NTN1: variants seen among roughly 807,000 people sequenced by gnomAD.
The protein encoded by NTN1 is netrin 1.
Under a neutral mutation model 54.2 loss-of-function variants are expected in NTN1, and 11 were observed. The ratio of observed to expected loss-of-function variants is 0.20; its 90% CI spans 0.13 to 0.34. The LOEUF (loss-of-function observed/expected upper bound fraction) is 0.34, where lower values mean the gene tolerates loss of function less well. Ranked by LOEUF, NTN1 falls within the 10% of genes least tolerant of loss-of-function variation. NTN1 has a pLI of 1.00. For synonymous variants in NTN1, 371 were observed against 382.0 expected (o/e 0.97, Z 0.33); for missense variants, 740 against 893.1 (o/e 0.83, Z 2.18).
At chr17:9,117,179 G>C (rs1168343059) in intron 2 of NTN1, among the ~76,000 whole-genome samples, 1 of 152,230 alleles carries the variant, frequency 6.6e-6, no homozygotes, top group Non-Finnish European at 1.5e-5. Flanking sequence ...CGTGAATAGA[G>C]AGAAAGCCGA....
At position 9,179,270 on chromosome 17, in the gene NTN1, G is replaced by A. The variant is rs115165916; in HGVS notation, c.1208-537G>A. On this transcript the variant is annotated intron_variant, in intron 3 of 6. Coordinates refer to ENST00000173229, the MANE Select transcript of NTN1 (RefSeq NM_004822.3). ...GCAAAGTAGGGTCAGGTGTTGGGGGGCAGCAGCTGGGGGAGCCACCCCTCC... is the reference window on the plus strand; with the variant it reads ...GCAAAGTAGGGTCAGGTGTTGGGGGACAGCAGCTGGGGGAGCCACCCCTCC... Among the ~76,000 whole-genome samples, 472 of 152,280 alleles carry A rather than the reference G, an allele frequency of 3.1e-3. 2 individuals carry two copies. The highest frequency in any genetic ancestry group is 0.01 in the African/African-American group (427 of 41,558).
intron 2 of NTN1, among the ~76,000 whole-genome samples, chr17:9,123,754 T>G (rs2092237741): frequency 1.3e-5 from 2 of 152,144 alleles, no homozygotes; most frequent in African/African-American, 4.8e-5. Flanking sequence ...TTGGGGGTTC[T>G]CATTGTGGAC....
At chr17:9,035,188 C>T (rs1238570945) in intron 2 of NTN1, among the ~76,000 whole-genome samples, 3 of 152,114 alleles carry the variant, frequency 2.0e-5, no homozygotes, top group East Asian at 1.9e-4. Flanking sequence ...CCTTGTGATC[C>T]GCCCGCCTCA....
chr17:9,004,146 G>T, the NTN1 span, among the ~76,000 whole-genome samples: 3 of 152,244 alleles, frequency 2.0e-5, no homozygotes, highest in Admixed American at 2.0e-4. Context: ...GGCGCGGACG[G>T]CGGAGCTGGG....
intron 2 of NTN1, among the ~76,000 whole-genome samples, chr17:9,115,494 C>A (rs2092208297): frequency 6.6e-6 from 1 of 152,240 alleles, no homozygotes. Context: ...ATCCACGTGA[C>A]GTTCCTGGAG....
At chr17:9,048,654 CTT>C (rs527587701) in intron 2 of NTN1, among the ~76,000 whole-genome samples, 1,517 of 147,136 alleles carry the variant, frequency 0.01, 27 homozygotes, top group African/African-American at 0.033. Context: ...AGTGTAGCCA[CTT>C]TTTTTTTTTC....
At position 9,135,295 on chromosome 17, in the gene NTN1, C is replaced by T. The variant is rs1028132063; in HGVS notation, c.1019-27518C>T. Among the ~76,000 whole-genome samples, 10 of 152,148 alleles carry T rather than the reference C, an allele frequency of 6.6e-5. No homozygotes were observed. Among genetic ancestry groups the T allele is most frequent in the Non-Finnish European group, 1.3e-4 (9 of 68,038 alleles). Reference sequence around the variant, plus strand: ...CTGCCACCTGGGTCTGAATGTGTCCCCCAGACCCAACACCTCTTTGCACAG... The same window carrying T: ...CTGCCACCTGGGTCTGAATGTGTCCTCCAGACCCAACACCTCTTTGCACAG... On this transcript the variant is annotated intron_variant, in intron 2 of 6. Transcript: ENST00000173229. This position sits in a 1 kb window ranked among gnomAD's most constrained non-coding sequence, Gnocchi z 4.4.
intron 6 of NTN1, among the ~76,000 whole-genome samples, chr17:9,232,431 C>T (rs1313039068): frequency 6.6e-6 from 1 of 152,160 alleles, no homozygotes; most frequent in African/African-American, 2.4e-5. Context: ...CTGGTCTCCT[C>T]CCCAAGGGTC....
chr17:9,063,979 A>T (rs181214189), intron 2 of NTN1, among the ~76,000 whole-genome samples: 178 of 152,206 alleles, frequency 1.2e-3, no homozygotes, highest in African/African-American at 4.1e-3. Flanking sequence ...TATTTTTTCA[A>T]TTACTAAGTA....
At chr17:9,167,659 A>G (rs966728349) in intron 3 of NTN1, among the ~76,000 whole-genome samples, 7 of 152,198 alleles carry the variant, frequency 4.6e-5, no homozygotes, top group Admixed American at 6.5e-5. Flanking sequence ...AAAGCATGCA[A>G]TCGTCCTCAC....
chr17:9,151,606 A>C (rs1237798477), intron 2 of NTN1, among the ~76,000 whole-genome samples: 1 of 152,198 alleles, frequency 6.6e-6, no homozygotes, highest in South Asian at 2.1e-4. Flanking sequence ...TCTGTTTTCA[A>C]ATTGGACCCT....
At chr17:9,099,252 AAAG>A (rs1567710238) in intron 2 of NTN1, among the ~76,000 whole-genome samples, 1 of 152,204 alleles carries the variant, frequency 6.6e-6, no homozygotes, top group Admixed American at 6.5e-5. Flanking sequence ...AAATACAAAA[AAAG>A]TTAGCTGGGT....
At chr17:9,229,225 G>A (rs1200391417) in intron 6 of NTN1, among the ~76,000 whole-genome samples, 1 of 152,084 alleles carries the variant, frequency 6.6e-6, no homozygotes, top group Non-Finnish European at 1.5e-5. Context: ...CTGGGGACCT[G>A]AGCAGAATTC....
chr17:9,181,622 A>G (rs1008867913), intron 4 of NTN1, among the ~76,000 whole-genome samples: 7 of 152,142 alleles, frequency 4.6e-5, no homozygotes, highest in African/African-American at 1.7e-4. Flanking sequence ...TTCCTAAAGG[A>G]GCAGAGGATG....
chr17:9,127,430 C>T (rs933784643), intron 2 of NTN1, among the ~76,000 whole-genome samples: 1 of 152,170 alleles, frequency 6.6e-6, no homozygotes, highest in Non-Finnish European at 1.5e-5. Context: ...CTTGGTGCCA[C>T]TCATTAGAGG....
intron 5 of NTN1, among the ~76,000 whole-genome samples, chr17:9,207,347 T>C (rs1162407585): frequency 3.3e-5 from 5 of 152,192 alleles, no homozygotes; most frequent in Non-Finnish European, 5.9e-5. Flanking sequence ...TTTAAAATAA[T>C]TGGATGTGCC....
intron 2 of NTN1, among the ~76,000 whole-genome samples, chr17:9,161,726 C>T (rs1342147872): frequency 3.3e-5 from 5 of 151,988 alleles, no homozygotes; most frequent in African/African-American, 4.8e-5. Context: ...TGCAGTGAGC[C>T]GAGATCAGGC....
intron 2 of NTN1, among the ~76,000 whole-genome samples, chr17:9,127,790 A>G (rs575009086): frequency 3.9e-5 from 6 of 152,228 alleles, no homozygotes; most frequent in African/African-American, 1.4e-4. Context: ...TAATTCTAGG[A>G]TGCAGGAAGA....
At chr17:9,008,956 A>G in the NTN1 span, among the ~76,000 whole-genome samples, 1 of 152,132 alleles carries the variant, frequency 6.6e-6, no homozygotes, top group Non-Finnish European at 1.5e-5. Flanking sequence ...CAGGAGAATC[A>G]CTTGAACCCA....
Sources: gnomAD v4.1 joint callset for allele counts (sites outside exome capture counted in the v4.1 genomes callset) on GRCh38, gnomAD v4.1.1 for gene constraint, Gnocchi (gnomAD v3.1) non-coding constraint, MANE v1.5 for transcripts, NCBI Gene and HGNC (gene_info 2026-07-23, HGNC 2026-07-21) for gene names.